NALF1: variants seen among roughly 807,000 people sequenced by gnomAD.
NALF1 encodes the protein NALCN channel auxiliary factor 1, also known as family with sequence similarity 155 member A.
A neutral mutation model predicts 48.4 loss-of-function variants in NALF1; 3 were observed. That is an observed-to-expected ratio of 0.06 (90% CI 0.03 to 0.16). NALF1 has a LOEUF of 0.16. NALF1 is among the 10% of genes least tolerant of loss of function. The pLI, the probability that NALF1 is intolerant of heterozygous loss-of-function variation, is 1.00. For synonymous variants in NALF1, 262 were observed against 245.7 expected, an observed-to-expected ratio of 1.07 and a Z score of -0.62; for missense variants, 526 against 571.5, an observed-to-expected ratio of 0.92 and a Z score of 0.81.
At chr13:107,511,808 T>G (rs976383509) in intron 1 of NALF1, among the ~76,000 whole-genome samples, 1 of 152,206 alleles carries the variant, frequency 6.6e-6, no homozygotes, top group African/African-American at 2.4e-5. Context: ...ATTGTGATTT[T>G]ACAAGTATTG....
Position 107,700,507 on chromosome 13 carries a change from T to C in NALF1, c.915+165175A>G, listed in dbSNP as rs75870339. On this transcript the variant is annotated intron_variant, in intron 1 of 2. Transcript: ENST00000375915. ...ATCGACTCTAAATGAATAAAGGCTCTAAATGTATGACCATAAAATTCCAAG... is the reference window on the plus strand; with the variant it reads ...ATCGACTCTAAATGAATAAAGGCTCCAAATGTATGACCATAAAATTCCAAG... 8.4e-3 allele frequency among the ~76,000 whole-genome samples: 1,285 copies of C among 152,102 alleles called. 21 individuals are homozygous for C. Among genetic ancestry groups the C allele is most frequent in the African/African-American group, 0.029 (1,185 of 41,540 alleles).
At chr13:107,395,051 C>G (rs1436023974) in intron 1 of NALF1, among the ~76,000 whole-genome samples, 1 of 152,110 alleles carries the variant, frequency 6.6e-6, no homozygotes, top group Non-Finnish European at 1.5e-5. Context: ...CAATATAAGG[C>G]ATAGTCCCCT....
At chr13:107,767,772 T>A (rs1410603129) in intron 1 of NALF1, among the ~76,000 whole-genome samples, 1 of 152,236 alleles carries the variant, frequency 6.6e-6, no homozygotes, top group East Asian at 1.9e-4. Context: ...TTGCCCTTTT[T>A]ATAACAGAAT....
intron 1 of NALF1, among the ~76,000 whole-genome samples, chr13:107,674,213 T>C (rs974304454): frequency 6.6e-6 from 1 of 151,954 alleles, no homozygotes; most frequent in African/African-American, 2.4e-5. Flanking sequence ...GCTAGCCTAC[T>C]GTCCTGCATT....
At chr13:107,283,558 C>A (rs375001834) in intron 1 of NALF1, among the ~76,000 whole-genome samples, 79 of 152,200 alleles carry the variant, frequency 5.2e-4, no homozygotes, top group African/African-American at 1.8e-3. Flanking sequence ...AAGATGGCAT[C>A]CCGTGTTCCC....
rs535865594 is a variant in NALF1, at chr13:107,487,566, A to G, written c.916-276811T>C. On this transcript the variant is annotated intron_variant, in intron 1 of 2. Transcript: ENST00000375915. Reference sequence around the variant, plus strand: ...CTGTGCAAGATTTTGTTATTTACCTACAAGAAACAAATTTTAAAAAGAGTG... The same window carrying G: ...CTGTGCAAGATTTTGTTATTTACCTGCAAGAAACAAATTTTAAAAAGAGTG... 2.0e-5 allele frequency among the ~76,000 whole-genome samples: 3 copies of G among 152,310 alleles called. No individual in the cohort carries two copies. The South Asian group carries it at 6.2e-4, about 32-fold the overall frequency.
chr13:107,281,929 A>G (rs1046065705), intron 1 of NALF1, among the ~76,000 whole-genome samples: 2 of 152,172 alleles, frequency 1.3e-5, no homozygotes, highest in African/African-American at 2.4e-5. Flanking sequence ...CCATGATTCA[A>G]TTACATCCAC....
chr13:107,219,618 T>C (rs9514629), intron 1 of NALF1, among the ~76,000 whole-genome samples: 89,305 of 152,026 alleles, frequency 0.59, 26,582 homozygotes, highest in East Asian at 0.77. Flanking sequence ...ATGGAGCACT[T>C]GATGATTAAT....
chr13:107,809,295 A>G (rs1350397149), intron 1 of NALF1, among the ~76,000 whole-genome samples: 1 of 152,030 alleles, frequency 6.6e-6, no homozygotes, highest in Non-Finnish European at 1.5e-5. Flanking sequence ...TGTCTTCTCA[A>G]GCCACATCAT....
intron 1 of NALF1, among the ~76,000 whole-genome samples, chr13:107,423,785 G>C (rs965658853): frequency 6.6e-6 from 1 of 152,086 alleles, no homozygotes; most frequent in African/African-American, 2.4e-5. Flanking sequence ...AGCATTTTGA[G>C]CTTTGGAATT....
In NALF1 at chr13:107,195,290, A is replaced by C. The variant is rs566645377; in HGVS notation, c.1087+15294T>G. Among the ~76,000 whole-genome samples the C allele has an allele frequency of 3.3e-5, 5 of 152,276 alleles. No homozygotes were observed. In the East Asian group the frequency reaches 5.8e-4, roughly 18 times the overall value. Reference sequence around the variant, plus strand: ...AAACTATTAAGATTAAAATTTAGAAAATTGTCTTTCCAGGACTCTGCTTTC... The same window carrying C: ...AAACTATTAAGATTAAAATTTAGAACATTGTCTTTCCAGGACTCTGCTTTC... On this transcript the variant is annotated intron_variant, in intron 2 of 2. Transcript: ENST00000375915.
chr13:107,635,246 G>T (rs1479826407), intron 1 of NALF1, among the ~76,000 whole-genome samples: 1 of 152,050 alleles, frequency 6.6e-6, no homozygotes, highest in Non-Finnish European at 1.5e-5. Context: ...AAGGAAAGGG[G>T]TTTAATTTAC....
At chr13:107,207,016 T>C (rs1193116536) in intron 2 of NALF1, among the ~76,000 whole-genome samples, 1 of 152,216 alleles carries the variant, frequency 6.6e-6, no homozygotes, top group Non-Finnish European at 1.5e-5. Context: ...TGAGAAATGA[T>C]TGCATTTTAA....
At chr13:107,855,116 T>C (rs1390210256) in intron 1 of NALF1, among the ~76,000 whole-genome samples, 1 of 152,172 alleles carries the variant, frequency 6.6e-6, no homozygotes, top group Non-Finnish European at 1.5e-5. Context: ...AAGGAAGCTC[T>C]AGCCACATTT....
chr13:107,742,279 A>G (rs1389493635), intron 1 of NALF1, among the ~76,000 whole-genome samples: 1 of 152,168 alleles, frequency 6.6e-6, no homozygotes, highest in Non-Finnish European at 1.5e-5. Context: ...TTTCCTGTAG[A>G]CCAACCAACC....
At chr13:107,186,117 C>T (rs754513619) in intron 2 of NALF1, among the ~76,000 whole-genome samples, 6 of 152,180 alleles carry the variant, frequency 3.9e-5, no homozygotes, top group Non-Finnish European at 8.8e-5. Flanking sequence ...CTGTTAGTCA[C>T]TTAGTAGCTG....
At chr13:107,827,013 C>T (rs1879540654) in intron 1 of NALF1, among the ~76,000 whole-genome samples, 1 of 152,146 alleles carries the variant, frequency 6.6e-6, no homozygotes, top group Non-Finnish European at 1.5e-5. Context: ...AATCAGCATG[C>T]CTTCGACTAC....
At chr13:107,472,058 G>A (rs1317963015) in intron 1 of NALF1, among the ~76,000 whole-genome samples, 7 of 152,170 alleles carry the variant, frequency 4.6e-5, no homozygotes, top group African/African-American at 1.4e-4. Flanking sequence ...ATAGCCAGGC[G>A]CATTGGCTCA....
At chr13:107,328,281 C>T (rs775625520) in intron 1 of NALF1, among the ~76,000 whole-genome samples, 12 of 104,382 alleles carry the variant, frequency 1.1e-4, no homozygotes, top group Non-Finnish European at 2.6e-4. Flanking sequence ...AATACACACA[C>T]ACACACACAC....
Sources: allele counts gnomAD v4.1 joint callset (sites outside exome capture counted in the v4.1 genomes callset), GRCh38; gene constraint gnomAD v4.1.1; transcripts MANE v1.5; gene names NCBI Gene and HGNC (gene_info 2026-07-23, HGNC 2026-07-21).